Variants in TOP2B observed in about 807,000 individuals in gnomAD.
TOP2B encodes DNA topoisomerase II beta.
TOP2B carries 51 observed loss-of-function variants against 193.5 expected under a neutral mutation model. The ratio of observed to expected loss-of-function variants is 0.26; its 90% CI spans 0.21 to 0.33. The LOEUF (loss-of-function observed/expected upper bound fraction) is 0.33, where lower values mean the gene tolerates loss of function less well. TOP2B is among the 10% of genes least tolerant of loss of function. The pLI, the probability that TOP2B is intolerant of heterozygous loss-of-function variation, is 1.00. For missense variants in TOP2B, 1,378 were observed against 1,909.3 expected (o/e 0.72, Z 5.19); for synonymous variants, 634 against 635.7 (o/e 1.00, Z 0.04).
At chr3:25,610,826 G>T (rs1007521806) in intron 28 of TOP2B, among the ~76,000 whole-genome samples, 1 of 152,144 alleles carries the variant, frequency 6.6e-6, no homozygotes, top group East Asian at 1.9e-4. Flanking sequence ...GAGTTAAGAG[G>T]ACCACTTTAA....
chr3:25,621,518 T>A, intron 21 of TOP2B, among the ~76,000 whole-genome samples: 1 of 152,068 alleles, frequency 6.6e-6, no homozygotes, highest in Middle Eastern at 3.4e-3. Context: ...CGTGCCACCA[T>A]GTCCAGCTAA....
At chr3:25,630,963 T>A (rs752385273) in intron 10 of TOP2B, 24 bp from the exon 11 acceptor site, 2 of 1,551,562 alleles carry the variant, frequency 1.3e-6, no homozygotes, top group South Asian at 1.2e-5. Flanking sequence ...AATAATGGTA[T>A]ACAAACAAGC....
At chr3:25,633,460 T>C (rs996567495) in intron 8 of TOP2B, among the ~76,000 whole-genome samples, 3 of 152,128 alleles carry the variant, frequency 2.0e-5, no homozygotes, top group Non-Finnish European at 4.4e-5. Flanking sequence ...AACTCCATTG[T>C]TCAGGAGTTT....
chr3:25,664,649 G>T lies in TOP2B; in HGVS notation c.-352C>A. On this transcript the variant is annotated 5_prime_UTR_variant, in exon 1 of 36. Transcript: ENST00000264331. ...GGGCTGAAGCCCGGGCGTGCGAGCC[G>T]CGAGGGCGGCCGGGGAGCCCGAGGC... 1.0e-6 allele frequency: 1 copy of T among 989,020 alleles called. No individual in the cohort carries two copies. 61.3% of individuals were successfully genotyped at this position (989,020 alleles called of 1,614,324 possible).
chr3:25,614,758 AT>A (rs1159535903), intron 27 of TOP2B, among the ~76,000 whole-genome samples: 14 of 151,938 alleles, frequency 9.2e-5, no homozygotes, highest in South Asian at 2.1e-4. Flanking sequence ...ATATCTCTAC[AT>A]TTTTTTTATT....
rs1703032028 is a variant in TOP2B, at chr3:25,633,984, A to G, written c.883T>C (p.Tyr295His). The G allele has an allele frequency of 6.2e-7, 1 of 1,612,002 alleles. No individual in the cohort carries two copies. Among genetic ancestry groups the G allele is most frequent in the Non-Finnish European group, 8.5e-7 (1 of 1,179,070 alleles). The change falls in exon 8 of 36, where the codon TAT (tyrosine) becomes CAT (histidine). Residue 295 changes from tyrosine (Y) to histidine (H), a missense_variant. This residue lies in a region of TOP2B where 222 missense variants were observed against 306.6 expected (regional missense o/e 0.72). Transcript: ENST00000264331. ...VNGFRSYVDLYVKDKLDETGV... is the reference protein window; with the variant it reads ...VNGFRSYVDLHVKDKLDETGV... ...GTTTCATCCAATTTGTCTTTCACAT[A>G]AAGATCTACATAACTGCGAAATCCA...
At chr3:25,641,410 C>T (rs116314520) in intron 4 of TOP2B, among the ~76,000 whole-genome samples, 1,999 of 152,070 alleles carry the variant, frequency 0.013, 47 homozygotes, top group African/African-American at 0.044. Flanking sequence ...GGAATCTTAA[C>T]AGCCAAAATG....
At chr3:25,660,853 T>C (rs73054071) in intron 1 of TOP2B, among the ~76,000 whole-genome samples, 39 of 152,278 alleles carry the variant, frequency 2.6e-4, no homozygotes, top group Middle Eastern at 6.8e-3. Flanking sequence ...AAAACTACAA[T>C]GTTATTTGTG....
At chr3:25,645,180 G>T in intron 2 of TOP2B, 120 bp downstream of exon 2, 3 of 936,952 alleles carry the variant, frequency 3.2e-6, no homozygotes, top group East Asian at 2.5e-5. Context: ...ACCCTACTTT[G>T]ACTATGACAG....
intron 1 of TOP2B, among the ~76,000 whole-genome samples, chr3:25,658,061 A>T (rs1474577444): frequency 8.8e-6 from 1 of 113,162 alleles, no homozygotes; most frequent in Non-Finnish European, 1.7e-5. Context: ...ACTCCGTCTC[A>T]AAAAAAAAAA....
Position 25,624,770 on chromosome 3 carries a change from G to A in TOP2B, c.2258C>T (p.Thr753Ile). Residue 753 changes from threonine (T) to isoleucine (I), a missense_variant, in exon 19 of 36, where the codon ACC (threonine) becomes ATC (isoleucine). By Grantham distance (89) the Thr-to-Ile change is moderately conservative. This residue lies in a region of TOP2B where 379 missense variants were observed against 615.1 expected (regional missense o/e 0.62). Transcript: ENST00000264331. ...ACGTTTATCATTCCTCTTGAAACAGGTAAATAAAACTTTCCGCTGGCCAGG... is the reference window on the plus strand; with the variant it reads ...ACGTTTATCATTCCTCTTGAAACAGATAAATAAAACTTTCCGCTGGCCAGG... ...FKPGQRKVLF[T>I]CFKRNDKREV... 6.2e-7 allele frequency: 1 copy of A among 1,613,474 alleles called. No homozygotes were observed. The highest frequency in any genetic ancestry group is 8.5e-7 in the Non-Finnish European group (1 of 1,179,628).
At chr3:25,602,599 G>GC (rs1310336452) in intron 33 of TOP2B, among the ~76,000 whole-genome samples, 1 of 151,906 alleles carries the variant, frequency 6.6e-6, no homozygotes, top group Non-Finnish European at 1.5e-5. Flanking sequence ...AGCAGGAGGA[G>GC]CCCTAGGAAA....
At chr3:25,617,233 AC>A (rs1318158539) in intron 25 of TOP2B, among the ~76,000 whole-genome samples, 1 of 152,098 alleles carries the variant, frequency 6.6e-6, no homozygotes, top group African/African-American at 2.4e-5. Flanking sequence ...TTAAAAAAAA[AC>A]ATATAGTTTA....
intron 32 of TOP2B, among the ~76,000 whole-genome samples, chr3:25,605,697 T>C (rs1462466523): frequency 6.6e-6 from 1 of 152,096 alleles, no homozygotes; most frequent in Non-Finnish European, 1.5e-5. Context: ...TAGAAAACTG[T>C]CGTATATACA....
At chr3:25,632,976 G>A (rs555193695) in intron 8 of TOP2B, among the ~76,000 whole-genome samples, 182 bp from the exon 9 acceptor site, 1 of 150,934 alleles carries the variant, frequency 6.6e-6, no homozygotes, top group Admixed American at 6.6e-5. Context: ...TGTTTTTTTT[G>A]TTTGTTTGTT....
At position 25,638,244 on chromosome 3, in the gene TOP2B, C is replaced by T. The variant is rs560232225; in HGVS notation, c.462G>A (p.Glu154=). The T allele has an allele frequency of 9.8e-5, 137 of 1,402,726 alleles. No individual in the cohort carries two copies. Among genetic ancestry groups the T allele is most frequent in the South Asian group, 9.6e-4 (79 of 82,044 alleles). 86.9% of individuals were successfully genotyped at this position (1,402,726 alleles called of 1,614,324 possible). The change falls in exon 5 of 36, where the codon GAG becomes GAA. Residue 154 remains glutamate, a synonymous_variant. Transcript: ENST00000264331. ...KGIPVVEHKV[E]KVYVPALIFG... Reference sequence around the variant, plus strand: ...AAATTAAAGCAGGAACATAAACTTTCTCTACCTTGTGTTCTACTACTGGAA... The same window carrying T: ...AAATTAAAGCAGGAACATAAACTTTTTCTACCTTGTGTTCTACTACTGGAA...
intron 21 of TOP2B, among the ~76,000 whole-genome samples, chr3:25,622,873 C>G (rs144015043): frequency 1.6e-3 from 242 of 152,238 alleles, no homozygotes; most frequent in African/African-American, 5.6e-3. Flanking sequence ...AACTCCTGAC[C>G]TCAGGTGATC....
intron 34 of TOP2B, among the ~76,000 whole-genome samples, chr3:25,600,252 A>G (rs1353863654): frequency 7.1e-6 from 1 of 141,660 alleles, no homozygotes; most frequent in Non-Finnish European, 1.6e-5. Flanking sequence ...CAATGAAATA[A>G]AACAACTAAA....
intron 1 of TOP2B, among the ~76,000 whole-genome samples, chr3:25,653,384 A>C (rs1010350427): frequency 5.9e-5 from 9 of 152,012 alleles, no homozygotes; most frequent in African/African-American, 2.2e-4. Flanking sequence ...AATACTGGCA[A>C]ACTCAATTCA....
Sources: allele counts gnomAD v4.1 joint callset (sites outside exome capture counted in the v4.1 genomes callset), GRCh38; gene constraint gnomAD v4.1.1; regional missense constraint gnomAD v4.1.1; transcripts MANE v1.5; gene names NCBI Gene and HGNC (gene_info 2026-07-23, HGNC 2026-07-21).